The following NOVA1 variants were observed in gnomAD, a reference collection of about 807,000 sequenced individuals.
NOVA1 encodes RNA-binding protein Nova-1.
In NOVA1, 7 loss-of-function variants were observed where a neutral mutation model predicts 38.0. The observed-to-expected ratio is 0.18, with a 90% CI of 0.10 to 0.35. The LOEUF is 0.35. NOVA1 is among the 10% of genes least tolerant of loss of function. The probability of loss-of-function intolerance (pLI) is 1.00; values close to 1 mark genes in which losing one functional copy is unlikely to be tolerated. For missense variants in NOVA1, 460 were observed against 616.0 expected, an observed-to-expected ratio of 0.75 and a Z score of 2.68; for synonymous variants, 270 against 232.5, an observed-to-expected ratio of 1.16 and a Z score of -1.47.
At chr14:26,562,867 A>G (rs1163659755) in intron 2 of NOVA1, among the ~76,000 whole-genome samples, 1 of 152,178 alleles carries the variant, frequency 6.6e-6, no homozygotes, top group East Asian at 1.9e-4. Context: ...CCTGAACTAC[A>G]ACTACCAGGC....
At chr14:26,449,608 ATAAT>A (rs764728606) in intron 4 of NOVA1, among the ~76,000 whole-genome samples, 4 of 152,228 alleles carry the variant, frequency 2.6e-5, no homozygotes, top group African/African-American at 7.2e-5. Context: ...TTATTTCTAA[ATAAT>A]TAATAATTTT....
At chr14:26,590,951 AC>A (rs1241662482) in intron 2 of NOVA1, among the ~76,000 whole-genome samples, 1 of 151,824 alleles carries the variant, frequency 6.6e-6, no homozygotes, top group Non-Finnish European at 1.5e-5. Flanking sequence ...TCAAAATGAT[AC>A]AAAAAGGAAT....
In NOVA1 at chr14:26,565,275, A is replaced by C. The variant is rs150996244; in HGVS notation, c.280+30135T>G. Among the ~76,000 whole-genome samples the C allele has an allele frequency of 9.9e-5, 15 of 152,282 alleles. No individual in the cohort carries two copies. The Middle Eastern group carries it at 0.01, about 104-fold the overall frequency. On this transcript the variant is annotated intron_variant, in intron 2 of 4. Transcript: ENST00000539517. ...AATACAGGTAGGTATTTGAGTTATC[A>C]TCAGCCCCCAAAAGAGACCCTGTGG...
chr14:26,531,742 T>G (rs184664068), intron 2 of NOVA1, among the ~76,000 whole-genome samples: 179 of 152,210 alleles, frequency 1.2e-3, no homozygotes, highest in African/African-American at 4.0e-3. Context: ...AAATTTCTGC[T>G]CCTGGAAGGA....
intron 2 of NOVA1, chr14:26,549,726 T>C: frequency 7.8e-7 from 1 of 1,288,992 alleles, no homozygotes; most frequent in Non-Finnish European, 1.0e-6. Context: ...GATGGCACAG[T>C]GGAGAAATAC....
At chr14:26,456,791 C>T (rs1379891903) in intron 4 of NOVA1, among the ~76,000 whole-genome samples, 1 of 151,766 alleles carries the variant, frequency 6.6e-6, no homozygotes, top group Non-Finnish European at 1.5e-5. Flanking sequence ...ACAATGAACA[C>T]TAGTACACTG....
At chr14:26,498,031 GT>G (rs1489713107) in intron 2 of NOVA1, among the ~76,000 whole-genome samples, 17 of 152,222 alleles carry the variant, frequency 1.1e-4, no homozygotes, top group African/African-American at 3.9e-4. Context: ...AATACATGAT[GT>G]TGAATAAAAA....
chr14:26,451,539 T>C (rs1003738999), intron 4 of NOVA1, among the ~76,000 whole-genome samples: 1 of 152,070 alleles, frequency 6.6e-6, no homozygotes, highest in Non-Finnish European at 1.5e-5. Context: ...CAGATAATTT[T>C]TGTATTCTTT....
intron 2 of NOVA1, among the ~76,000 whole-genome samples, chr14:26,585,965 G>A (rs945747312): frequency 7.3e-5 from 11 of 151,296 alleles, no homozygotes; most frequent in Non-Finnish European, 1.3e-4. Context: ...GGTATTCCAT[G>A]AGCACTTCAC....
intron 2 of NOVA1, chr14:26,593,317 T>C (rs1893977088): frequency 6.6e-6 from 1 of 151,842 alleles, no homozygotes; most frequent in South Asian, 2.1e-4. Context: ...TTCTGAAGAC[T>C]TGTGGTCAAG....
chr14:26,538,127 C>G (rs1458137678), intron 2 of NOVA1, among the ~76,000 whole-genome samples: 1 of 152,150 alleles, frequency 6.6e-6, no homozygotes, highest in East Asian at 1.9e-4. Flanking sequence ...TTTAGATTAT[C>G]TCAGGAAATT....
chr14:26,486,560 T>G (rs562906702), intron 2 of NOVA1, among the ~76,000 whole-genome samples: 98 of 151,414 alleles, frequency 6.5e-4, no homozygotes, highest in Non-Finnish European at 1.2e-3. Flanking sequence ...ATACAAAAAA[T>G]TAGCCAGGCG....
At position 26,447,669 on chromosome 14, in the gene NOVA1, A is replaced by G; in HGVS notation, c.*290T>C. On this transcript the variant is annotated 3_prime_UTR_variant, in exon 5 of 5. Coordinates refer to ENST00000539517, the MANE Select transcript of NOVA1 (RefSeq NM_002515.3). ...ATCCCTGTCTACATTCAATCATTAAACTACAATAATGCTGGTAAAATGGCA... is the reference window on the plus strand; with the variant it reads ...ATCCCTGTCTACATTCAATCATTAAGCTACAATAATGCTGGTAAAATGGCA... 2.4e-6 allele frequency: 1 copy of G among 419,296 alleles called. No individual in the cohort carries two copies. The allele number at this position is 419,296 out of a possible 1,614,324, so 26.0% of individuals were successfully genotyped here.
At chr14:26,541,356 A>T (rs560427083) in intron 2 of NOVA1, among the ~76,000 whole-genome samples, 35 of 151,990 alleles carry the variant, frequency 2.3e-4, no homozygotes, top group African/African-American at 7.2e-4. Context: ...ATATGAAAAA[A>T]TTTACAGTTA....
intron 2 of NOVA1, among the ~76,000 whole-genome samples, chr14:26,558,525 C>A (rs1036060711): frequency 1.1e-4 from 16 of 152,112 alleles, no homozygotes; most frequent in Non-Finnish European, 2.9e-5. Context: ...AGTAGCTCTT[C>A]TACTAAGAAG....
chr14:26,482,246 C>T (rs1220759847), intron 2 of NOVA1, among the ~76,000 whole-genome samples: 3 of 152,068 alleles, frequency 2.0e-5, no homozygotes, highest in African/African-American at 7.2e-5. Flanking sequence ...AATTGCAGTA[C>T]ATACTGTTTG....
At chr14:26,453,068 A>G (rs1594318616) in intron 4 of NOVA1, among the ~76,000 whole-genome samples, 2 of 152,262 alleles carry the variant, frequency 1.3e-5, no homozygotes, top group South Asian at 4.1e-4. Flanking sequence ...TTTTTTCACA[A>G]CCAAGTATTT....
chr14:26,578,055 C>T (rs1275852886), intron 2 of NOVA1, among the ~76,000 whole-genome samples: 3 of 150,706 alleles, frequency 2.0e-5, no homozygotes, highest in South Asian at 2.1e-4. Context: ...TAAAGGTGTA[C>T]CAGAAGCAAA....
chr14:26,576,838 A>G (rs1028696659), intron 2 of NOVA1, among the ~76,000 whole-genome samples: 2 of 151,966 alleles, frequency 1.3e-5, no homozygotes, highest in African/African-American at 4.8e-5. Flanking sequence ...TAAATTATCT[A>G]TCACTTTCCA....
Sources: allele counts gnomAD v4.1 joint callset (sites outside exome capture counted in the v4.1 genomes callset), GRCh38; gene constraint gnomAD v4.1.1; transcripts MANE v1.5; gene names NCBI Gene and HGNC (gene_info 2026-07-23, HGNC 2026-07-21).